GRPEL2: variants seen among roughly 807,000 people sequenced by gnomAD.
GRPEL2 encodes grpE protein homolog 2, mitochondrial.
Under a neutral mutation model 25.9 loss-of-function variants are expected in GRPEL2, and 18 were observed. That is an observed-to-expected ratio of 0.70 (90% CI 0.48 to 1.03). GRPEL2 has a LOEUF of 1.03. Among genes scored for constraint, GRPEL2 ranks in the 50% least tolerant of loss-of-function variants. The pLI, the probability that GRPEL2 is intolerant of heterozygous loss-of-function variation, is 0.00. For missense variants in GRPEL2, 247 were observed against 276.2 expected (o/e 0.89, Z 0.75); for synonymous variants, 106 against 107.9 (o/e 0.98, Z 0.11).
rs186391722 is a variant in GRPEL2 at position 149,353,121 on chromosome 5, C to T, written c.*1839C>T. On this transcript the variant is annotated 3_prime_UTR_variant, in exon 4 of 4. Coordinates refer to ENST00000329271, the MANE Select transcript of GRPEL2 (RefSeq NM_152407.4). ...ATCAATAAAGCCATCTCCTTGTGGGCCTTACCATCTTCATCAGATTTAGAC... is the reference window on the plus strand; with the variant it reads ...ATCAATAAAGCCATCTCCTTGTGGGTCTTACCATCTTCATCAGATTTAGAC... 4 of 152,700 alleles carry T rather than the reference C, an allele frequency of 2.6e-5. 1 individual carries two copies. In the East Asian group the frequency reaches 7.7e-4, roughly 29 times the overall value. 9.5% of individuals were successfully genotyped at this position (152,700 alleles called of 1,614,324 possible).
At position 149,353,685 on chromosome 5, in the gene GRPEL2, G is replaced by A. The variant is rs1323413072; in HGVS notation, c.*2403G>A. ...TTTCTAATGGTCTATTACACCTCCC[G>A]TTTTGGCAAGTAAATTCAGAATAAT... On this transcript the variant is annotated 3_prime_UTR_variant, in exon 4 of 4. Transcript: ENST00000329271. 6 of 151,750 alleles carry A rather than the reference G, an allele frequency of 4.0e-5. No homozygotes were observed. The South Asian group carries it at 8.3e-4, about 21-fold the overall frequency. 9.4% of individuals were successfully genotyped at this position (151,750 alleles called of 1,614,324 possible). A position where few individuals can be genotyped will look rare whatever the true frequency, so the allele number is the denominator to read the frequency against.
chr5:149,345,631 C>CG lies in GRPEL2; in HGVS notation c.77+19dup, dbSNP rs1757675780. The CG allele has an allele frequency of 1.9e-6, 3 of 1,597,040 alleles. No individual in the cohort carries two copies. The highest frequency in any genetic ancestry group is 1.7e-5 in the Admixed American group (1 of 58,134). On this transcript the variant is annotated intron_variant, in intron 1 of 3. Transcript: ENST00000329271. ...TGGGAGAGCAAGTAAGCATTGCAGGCGGGGAGTCGGGAGCGTGAGGACTCT... is the reference window on the plus strand; with the variant it reads ...TGGGAGAGCAAGTAAGCATTGCAGGCGGGGGAGTCGGGAGCGTGAGGACTCT...
chr5:149,349,583 A>T (rs895797485), intron 2 of GRPEL2, 71 bp from the exon 3 acceptor site: 24 of 1,126,504 alleles, frequency 2.1e-5, no homozygotes, highest in Non-Finnish European at 2.8e-5. Context: ...TTTGTAAAGT[A>T]AGCAAAAACA....
At position 149,353,440 on chromosome 5, in the gene GRPEL2, T is replaced by G. The variant is rs1385349149; in HGVS notation, c.*2158T>G. The stretch of plus-strand genomic sequence containing the variant: ...TTACAATTAACAATAATTTTAGGTA[T>G]GGAATGTTATGATTACCTAAAGAGA... On this transcript the variant is annotated 3_prime_UTR_variant, in exon 4 of 4. Coordinates refer to ENST00000329271, the MANE Select transcript of GRPEL2 (RefSeq NM_152407.4). 6.6e-6 allele frequency: 1 copy of G among 152,188 alleles called. No individual in the cohort carries two copies. Among genetic ancestry groups the G allele is most frequent in the East Asian group, 1.9e-4 (1 of 5,202 alleles). The allele number at this position is 152,188 out of a possible 1,614,324, so 9.4% of individuals were successfully genotyped here.
intron 2 of GRPEL2, among the ~76,000 whole-genome samples, chr5:149,349,303 C>A (rs1215861665): frequency 6.6e-6 from 1 of 152,172 alleles, no homozygotes; most frequent in East Asian, 1.9e-4. Context: ...GCCTAGATGA[C>A]ATACTTTTAA....
chr5:149,345,592 C>T lies in GRPEL2; in HGVS notation c.53C>T (p.Ala18Val). Residue 18 changes from alanine (A) to valine (V), a missense_variant, in exon 1 of 4, where the codon GCC becomes GTC. Around this residue, in one of 2 missense-constraint regions of GRPEL2, gnomAD observed 125 missense variants for 107.0 expected, o/e 1.17. Transcript: ENST00000329271. The stretch of plus-strand genomic sequence containing the variant: ...CGGCTGCGGGTGCAGCGCCTACTGG[C>T]CTGGAGTGCCGCGTGGGAGAGCAAG... ...AGRLRVQRLL[A>V]WSAAWESKGW... 1.2e-6 allele frequency: 2 copies of T among 1,611,242 alleles called. No homozygotes were observed. Among genetic ancestry groups the T allele is most frequent in the African/African-American group, 2.7e-5 (2 of 75,030 alleles).
Position 149,353,976 on chromosome 5 carries a change from G to A in GRPEL2, c.*2694G>A, listed in dbSNP as rs1477854981. On this transcript the variant is annotated 3_prime_UTR_variant, in exon 4 of 4. Coordinates refer to ENST00000329271, the MANE Select transcript of GRPEL2 (RefSeq NM_152407.4). ...CAGCGTTGTGAGGATTAAGTGAAAT[G>A]TGTTAAATGCCTACTACAGTAGGTG... 6.6e-6 allele frequency: 1 copy of A among 152,194 alleles called. No individual in the cohort carries two copies. The highest frequency in any genetic ancestry group is 1.5e-5 in the Non-Finnish European group (1 of 68,042). 9.4% of individuals were successfully genotyped at this position (152,194 alleles called of 1,614,324 possible).
chr5:149,345,516 T>A lies in GRPEL2; in HGVS notation c.-24T>A. The A allele has an allele frequency of 1.2e-6, 2 of 1,603,592 alleles. No individual in the cohort carries two copies. The highest frequency in any genetic ancestry group is 1.7e-6 in the Non-Finnish European group (2 of 1,174,936). On this transcript the variant is annotated 5_prime_UTR_variant, in exon 1 of 4. Coordinates refer to ENST00000329271, the MANE Select transcript of GRPEL2 (RefSeq NM_152407.4). ...TCACTCGCAGCAAGTGCGCGTGCGC[T>A]GCCTCTCAGCCCAAATTGGAAACAT...
At chr5:149,346,161 G>A (rs1160329747) in intron 1 of GRPEL2, among the ~76,000 whole-genome samples, 10 of 152,188 alleles carry the variant, frequency 6.6e-5, no homozygotes, top group Non-Finnish European at 1.5e-4. Context: ...TACCCATTTA[G>A]TAGTTAAGGA....
In GRPEL2 at chr5:149,348,269, T is replaced by C. The variant is rs765253185; in HGVS notation, c.78-3T>C. On this transcript the variant is annotated splice_polypyrimidine_tract_variant and splice_region_variant and intron_variant, in intron 1 of 3. Coordinates refer to ENST00000329271, the MANE Select transcript of GRPEL2 (RefSeq NM_152407.4). ...ATTATGTGCCACCTCCTTCCTGTTT[T>C]AGGGGATGGCCGCTTCCATTCAGCA... 1.9e-6 allele frequency: 3 copies of C among 1,589,362 alleles called. No homozygotes were observed. Among genetic ancestry groups the C allele is most frequent in the Non-Finnish European group, 2.6e-6 (3 of 1,173,572 alleles).
chr5:149,346,073 G>A (rs1757684248), intron 1 of GRPEL2, among the ~76,000 whole-genome samples: 1 of 152,244 alleles, frequency 6.6e-6, no homozygotes, highest in Non-Finnish European at 1.5e-5. Flanking sequence ...TCAGCCTTCG[G>A]AAGACAAGTT....
intron 2 of GRPEL2, among the ~76,000 whole-genome samples, chr5:149,348,709 A>AAT (rs1319994128): frequency 6.6e-6 from 1 of 152,230 alleles, no homozygotes; most frequent in African/African-American, 2.4e-5. Flanking sequence ...CAGTGCCTGG[A>AAT]ATATAGTAGA....
rs369762279 is a variant in GRPEL2 at position 149,349,603 on chromosome 5, A to G, written c.232-51A>G. ...AAAGTAAGCAAAAACATTCTCTTCC[A>G]CCAATAAGTATTTGTTTTCTCATCC... On this transcript the variant is annotated intron_variant, in intron 2 of 3. Transcript: ENST00000329271. The G allele has an allele frequency of 2.3e-6, 3 of 1,284,818 alleles. No homozygotes were observed. The South Asian group carries it at 4.0e-5, about 17-fold the overall frequency. 79.6% of individuals were successfully genotyped at this position (1,284,818 alleles called of 1,614,324 possible). A position where few individuals can be genotyped will look rare whatever the true frequency, so the allele number is the denominator to read the frequency against.
Position 149,351,252 on chromosome 5 carries a change from A to G in GRPEL2, c.648A>G (p.Glu216=), listed in dbSNP as rs1285278774. Reference sequence around the variant, plus strand: ...GCACCATTAGGCTTGCCCGAGTGGAAGTGGCAGTGGAGTCTCAGAGAAGAC... The same window carrying G: ...GCACCATTAGGCTTGCCCGAGTGGAGGTGGCAGTGGAGTCTCAGAGAAGAC... The part of the protein sequence containing the change: ...HGRTIRLARV[E]VAVESQRRL The change falls in exon 4 of 4, where the codon GAA becomes GAG. Residue 216 remains glutamate, a synonymous_variant. Coordinates refer to ENST00000329271, the MANE Select transcript of GRPEL2 (RefSeq NM_152407.4). 1.2e-6 allele frequency: 2 copies of G among 1,610,524 alleles called. No individual in the cohort carries two copies. The highest frequency in any genetic ancestry group is 3.3e-5 in the Admixed American group (2 of 60,004).
At position 149,351,070 on chromosome 5, in the gene GRPEL2, AGT is replaced by A; in HGVS notation, c.471_472del (p.Phe158CysfsTer13). 2 of 1,614,240 alleles carry A rather than the reference AGT, an allele frequency of 1.2e-6. No homozygotes were observed. Among genetic ancestry groups the A allele is most frequent in the South Asian group, 1.1e-5 (1 of 91,084 alleles). On this transcript the variant is annotated frameshift_variant, in exon 4 of 4. Coordinates refer to ENST00000329271, the MANE Select transcript of GRPEL2 (RefSeq NM_152407.4). LOFTEE classifies it high-confidence loss of function. Reference sequence around the variant, plus strand: ...GTTGCTTTTAGAAGCAAAGCTGAAAAGTGTGTTTGCCAAGCATGGCCTGGAGA... The same window carrying A: ...GTTGCTTTTAGAAGCAAAGCTGAAAAGTGTTTGCCAAGCATGGCCTGGAGA... ...GLLLLEAKLK[S>X]VFAKHGLEKL...
At chr5:149,349,822 G>GT (rs751993807) in intron 3 of GRPEL2, 87 bp downstream of exon 3, 4 of 927,998 alleles carry the variant, frequency 4.3e-6, no homozygotes. Context: ...GTCTAAGGCT[G>GT]TCAGATCACA....
At position 149,352,552 on chromosome 5, in the gene GRPEL2, C is replaced by T. The variant is rs1474664421; in HGVS notation, c.*1270C>T. 1 of 152,028 alleles carries T rather than the reference C, an allele frequency of 6.6e-6. No individual in the cohort carries two copies. Among genetic ancestry groups the T allele is most frequent in the Non-Finnish European group, 1.5e-5 (1 of 68,012 alleles). The allele number at this position is 152,028 out of a possible 1,614,324, so 9.4% of individuals were successfully genotyped here. ...GTCACATCTGTGTAAACATTGAGCT[C>T]ACCTTTTATATATTAACCTCTAGAA... On this transcript the variant is annotated 3_prime_UTR_variant, in exon 4 of 4. Coordinates refer to ENST00000329271, the MANE Select transcript of GRPEL2 (RefSeq NM_152407.4).
chr5:149,348,747 T>C (rs1757727791), intron 2 of GRPEL2, among the ~76,000 whole-genome samples: 1 of 152,136 alleles, frequency 6.6e-6, no homozygotes, highest in Non-Finnish European at 1.5e-5. Flanking sequence ...ATGAGTGAGG[T>C]CACTGACCAT....
chr5:149,350,543 CAACTGGGACAG>C (rs1757758838), intron 3 of GRPEL2, among the ~76,000 whole-genome samples: 1 of 152,192 alleles, frequency 6.6e-6, no homozygotes, highest in East Asian at 1.9e-4. Context: ...TGCCATAGCA[CAACTGGGACAG>C]GCAGGAATTT....
Sources: allele counts gnomAD v4.1 joint callset (sites outside exome capture counted in the v4.1 genomes callset), GRCh38; gene constraint gnomAD v4.1.1; regional missense constraint gnomAD v4.1.1; transcripts MANE v1.5; gene names NCBI Gene and HGNC (gene_info 2026-07-23, HGNC 2026-07-21).